COX7B: variants seen among roughly 807,000 people sequenced by gnomAD.
COX7B encodes the protein cytochrome c oxidase subunit 7B, mitochondrial.
In COX7B, 2 loss-of-function variants were observed where a neutral mutation model predicts 7.9. That is an observed-to-expected ratio of 0.25 (90% CI 0.10 to 0.79). The LOEUF is 0.79. COX7B is among the 30% of genes least tolerant of loss of function. The pLI, the probability that COX7B is intolerant of heterozygous loss-of-function variation, is 0.69. For synonymous variants in COX7B, 19 were observed against 21.1 expected, an observed-to-expected ratio of 0.90 and a Z score of 0.27; for missense variants, 54 against 62.7, an observed-to-expected ratio of 0.86 and a Z score of 0.47.
At chrX:77,904,645 A>G (rs1442034929) in intron 2 of COX7B, among the ~76,000 whole-genome samples, 1 of 110,086 alleles carries the variant, frequency 9.1e-6, no homozygotes, top group Non-Finnish European at 1.9e-5. Flanking sequence ...CTGTCTCAAA[A>G]AAAAAAAAAG....
rs1557221025 is a variant in COX7B at position 77,905,272 on chromosome X, T to C, written c.*11T>C. ...TGGAGGAATCAGTAATCATCCCAGC[T>C]GGTGTAATAATGAATTGTTTAAAAA... is the stretch of plus-strand genomic sequence containing the variant. On this transcript the variant is annotated 3_prime_UTR_variant, in exon 3 of 3. Transcript: ENST00000650309. 8.5e-7 allele frequency: 1 copy of C among 1,179,897 alleles called. No individual in the cohort carries two copies.
intron 1 of COX7B, among the ~76,000 whole-genome samples, chrX:77,901,373 G>T (rs1720362499): frequency 9.4e-6 from 1 of 106,833 alleles, no homozygotes; most frequent in African/African-American, 3.4e-5. Context: ...AGGCTCCCTA[G>T]CTTTTCATTA....
chrX:77,903,198 T>A, intron 2 of COX7B: 1 of 98,924 alleles, frequency 1.0e-5, no homozygotes, highest in Non-Finnish European at 2.0e-5. Flanking sequence ...GCTATTTTTT[T>A]TTTTTTTTTT....
intron 1 of COX7B, among the ~76,000 whole-genome samples, chrX:77,901,248 CTTT>C (rs782110158): frequency 1.0e-5 from 1 of 98,454 alleles, no homozygotes; most frequent in Non-Finnish European, 2.1e-5. Context: ...ATTGCAGTTT[CTTT>C]TTTTTTTTTT....
intron 2 of COX7B, among the ~76,000 whole-genome samples, chrX:77,903,720 C>T (rs891841642): frequency 8.1e-5 from 9 of 110,736 alleles, no homozygotes; most frequent in African/African-American, 1.3e-4. Context: ...TGTCTTGGAT[C>T]GCCTTCCTGG....
intron 1 of COX7B, among the ~76,000 whole-genome samples, chrX:77,900,164 C>T (rs782483392): frequency 9.0e-6 from 1 of 111,534 alleles, no homozygotes; most frequent in African/African-American, 3.3e-5. Flanking sequence ...GTCAGGAGTT[C>T]GAGACCAGCC....
In COX7B at chrX:77,906,772, C is replaced by G. The variant is rs964582581; in HGVS notation, c.*1511C>G. 9.0e-6 allele frequency: 1 copy of G among 110,628 alleles called. No homozygotes were observed. Among genetic ancestry groups the G allele is most frequent in the East Asian group, 2.8e-4 (1 of 3,523 alleles). 9.1% of individuals were successfully genotyped at this position (110,628 alleles called of 1,213,427 possible). A position where few individuals can be genotyped will look rare whatever the true frequency, so the allele number is the denominator to read the frequency against. The stretch of plus-strand genomic sequence containing the variant: ...CCTCCCTAGTAACTGGAATTACAGG[C>G]GCCTGCCACCATGCCTGGCTAATTT... On this transcript the variant is annotated 3_prime_UTR_variant, in exon 3 of 3. Transcript: ENST00000650309.
chrX:77,903,469 C>T (rs2077126675), intron 2 of COX7B, among the ~76,000 whole-genome samples: 1 of 110,516 alleles, frequency 9.0e-6, no homozygotes, highest in African/African-American at 3.3e-5. Context: ...GCTAGGATTA[C>T]AGGTGTGAGC....
chrX:77,901,449 GA>G lies in COX7B; in HGVS notation c.41-1183del, dbSNP rs1187913202. On this transcript the variant is annotated intron_variant, in intron 1 of 2. Transcript: ENST00000650309. ...ACCTGCCCCTTAAATTGGACAGGAA[GA>G]AAAAAAAAAACAGCTAGAAACAAGC... is the stretch of plus-strand genomic sequence containing the variant. 4.7e-3 allele frequency among the ~76,000 whole-genome samples: 475 copies of G among 100,263 alleles called. 1 individual carries two copies. The highest frequency in any genetic ancestry group is 0.015 in the African/African-American group (422 of 27,790). The allele number at this position is 100,263 out of a possible 115,157, so 87.1% of individuals were successfully genotyped here.
intron 1 of COX7B, 60 bp downstream of exon 1, chrX:77,899,653 C>G: frequency 9.3e-7 from 1 of 1,079,515 alleles, no homozygotes; most frequent in Non-Finnish European, 1.3e-6. Flanking sequence ...TCCTCGCGGC[C>G]TCTCGTGTGC....
intron 2 of COX7B, among the ~76,000 whole-genome samples, chrX:77,904,975 C>T (rs1839273855): frequency 8.9e-6 from 1 of 112,235 alleles, no homozygotes; most frequent in African/African-American, 3.2e-5. Flanking sequence ...ACATTTCCTT[C>T]AGCTCAAGAA....
intron 1 of COX7B, among the ~76,000 whole-genome samples, chrX:77,900,142 G>A (rs1429606541): frequency 1.8e-5 from 2 of 111,721 alleles, no homozygotes; most frequent in African/African-American, 6.5e-5. Flanking sequence ...CAAGGCGGGC[G>A]GATCCCCTGA....
intron 2 of COX7B, chrX:77,903,319 C>T (rs1288048624): frequency 9.2e-6 from 1 of 108,761 alleles, no homozygotes; most frequent in African/African-American, 3.4e-5. Flanking sequence ...CTCAGCCTCC[C>T]AGGTAGCGGG....
intron 2 of COX7B, chrX:77,902,984 C>T (rs182597668): frequency 3.4e-6 from 1 of 294,804 alleles, no homozygotes; most frequent in Non-Finnish European, 5.9e-6. Flanking sequence ...TACTGGATCA[C>T]AAGGCAGCCC....
At chrX:77,901,630 G>A (rs1268896722) in intron 1 of COX7B, 5 of 111,518 alleles carry the variant, frequency 4.5e-5, no homozygotes, top group African/African-American at 1.6e-4. Flanking sequence ...CTGCTTCCTT[G>A]TACGATACTG....
At chrX:77,904,393 G>A (rs1413446189) in intron 2 of COX7B, among the ~76,000 whole-genome samples, 4 of 108,610 alleles carry the variant, frequency 3.7e-5, no homozygotes, top group African/African-American at 1.3e-4. Context: ...GCTCACGCCT[G>A]TAGTCCTAGC....
In COX7B at chrX:77,903,968, T is replaced by C. The variant is rs181515511; in HGVS notation, c.165+1201T>C. Among the ~76,000 whole-genome samples the C allele has an allele frequency of 6.3e-3, 632 of 101,049 alleles. 9 individuals carry two copies. The highest frequency in any genetic ancestry group is 0.022 in the African/African-American group (605 of 27,551). The allele number at this position is 101,049 out of a possible 115,157, so 87.7% of individuals were successfully genotyped here. Reference sequence around the variant, plus strand: ...TTTTTTTTGAGATGGAATCTTGCTCTGTCGCCCAGGCTGGAGTGCAGTGGC... The same window carrying C: ...TTTTTTTTGAGATGGAATCTTGCTCCGTCGCCCAGGCTGGAGTGCAGTGGC... On this transcript the variant is annotated intron_variant, in intron 2 of 2. Coordinates refer to ENST00000650309, the MANE Select transcript of COX7B (RefSeq NM_001866.3).
rs1433567420 is a variant in COX7B, at chrX:77,903,729, G to A, written c.165+962G>A. ...TTTTACTGTCTTGGATCGCCTTCCT[G>A]GACATAACTTCACTTAACAATTTTT... On this transcript the variant is annotated intron_variant, in intron 2 of 2. Transcript: ENST00000650309. 2.7e-5 allele frequency among the ~76,000 whole-genome samples: 3 copies of A among 110,425 alleles called. No individual in the cohort carries two copies. In the East Asian group the frequency reaches 8.5e-4, roughly 31 times the overall value.
Position 77,907,224 on chromosome X carries a change from T to C in COX7B, c.*1963T>C, listed in dbSNP as rs2077137688. The C allele has an allele frequency of 8.9e-6, 1 of 111,991 alleles. No homozygotes were observed. The highest frequency in any genetic ancestry group is 1.9e-5 in the Non-Finnish European group (1 of 53,263). 9.2% of individuals were successfully genotyped at this position (111,991 alleles called of 1,213,427 possible). ...TTAAGTTGCAAGTTTAGTAACCATATTGTACCACTGTTTGATAAATTTGAA... is the reference window on the plus strand; with the variant it reads ...TTAAGTTGCAAGTTTAGTAACCATACTGTACCACTGTTTGATAAATTTGAA... On this transcript the variant is annotated 3_prime_UTR_variant, in exon 3 of 3. Transcript: ENST00000650309.
Sources: gnomAD v4.1 joint callset for allele counts (sites outside exome capture counted in the v4.1 genomes callset) on GRCh38, gnomAD v4.1.1 for gene constraint, MANE v1.5 for transcripts, NCBI Gene and HGNC (gene_info 2026-07-23, HGNC 2026-07-21) for gene names.